Variants in GRHL2 observed in about 807,000 individuals in gnomAD.
GRHL2 encodes the protein grainyhead like transcription factor 2, also known as grainyhead-like protein 2 homolog.
A neutral mutation model predicts 83.8 loss-of-function variants in GRHL2; 21 were observed. That is an observed-to-expected ratio of 0.25 (90% CI 0.18 to 0.36). The LOEUF is 0.36. Ranked by LOEUF, GRHL2 falls within the 10% of genes least tolerant of loss-of-function variation. The pLI is 1.00. For synonymous variants in GRHL2, 280 were observed against 278.9 expected, an observed-to-expected ratio of 1.00 and a Z score of -0.04; for missense variants, 623 against 781.8, an observed-to-expected ratio of 0.80 and a Z score of 2.42.
chr8:101,504,990 A>G (rs1810308090), intron 1 of GRHL2, among the ~76,000 whole-genome samples: 1 of 151,936 alleles, frequency 6.6e-6, no homozygotes, highest in East Asian at 1.9e-4. Flanking sequence ...AAAAAAAAAA[A>G]AGAGGAGGCT....
intron 1 of GRHL2, among the ~76,000 whole-genome samples, chr8:101,514,618 G>T (rs1007780876): frequency 1.3e-5 from 2 of 152,226 alleles, no homozygotes; most frequent in Non-Finnish European, 1.5e-5. Flanking sequence ...CCTGGCTGCA[G>T]CTGGGCCCAT....
At chr8:101,505,805 C>T (rs1810329789) in intron 1 of GRHL2, among the ~76,000 whole-genome samples, 1 of 151,736 alleles carries the variant, frequency 6.6e-6, no homozygotes, top group South Asian at 2.1e-4. Context: ...TCACTTTTAA[C>T]ATCCTGAAGT....
chr8:101,498,661 C>T (rs112070388), intron 1 of GRHL2, among the ~76,000 whole-genome samples: 7 of 152,256 alleles, frequency 4.6e-5, no homozygotes, highest in African/African-American at 1.7e-4. Context: ...CTGGGCCATT[C>T]AAATGATCCC....
rs1157192008 is a variant in GRHL2, at chr8:101,632,315, G to T, written c.1435G>T (p.Val479Phe). Residue 479 changes from valine to phenylalanine, a missense_variant, in exon 11 of 16, where the codon GTT (valine) becomes TTT (phenylalanine). This residue lies in a region of GRHL2 where 210 missense variants were observed against 254.8 expected (regional missense o/e 0.82). Transcript: ENST00000646743. Reference sequence around the variant, plus strand: ...CATGCCTGATCTCCACTCACAGCCAGTTCTCTTCATACCTGATGTTCACTT... The same window carrying T: ...CATGCCTGATCTCCACTCACAGCCATTTCTCTTCATACCTGATGTTCACTT... ...KTMPDLHSQP[V>F]LFIPDVHFAN... The T allele has an allele frequency of 1.2e-6, 2 of 1,613,916 alleles. No individual in the cohort carries two copies. The highest frequency in any genetic ancestry group is 2.2e-5 in the East Asian group (1 of 44,878).
chr8:101,519,857 A>G (rs1810648227), intron 1 of GRHL2, among the ~76,000 whole-genome samples: 1 of 152,230 alleles, frequency 6.6e-6, no homozygotes, highest in Non-Finnish European at 1.5e-5. Context: ...AGAATATTTT[A>G]AAATCCATGC....
Position 101,543,427 on chromosome 8 carries a change from C to T in GRHL2, c.207C>T (p.Asp69=). ...CTGCTGCCCTCGGCCTGCTCTATGA[C>T]TACTACAAGGTAGGTCCCCAGCCTC... is the stretch of plus-strand genomic sequence containing the variant. ...DSAAALGLLY[D]YYKVPRDKRL... The change falls in exon 2 of 16, where the codon GAC becomes GAT. Residue 69 remains aspartate, a synonymous_variant. Coordinates refer to ENST00000646743, the MANE Select transcript of GRHL2 (RefSeq NM_024915.4). 6.2e-7 allele frequency: 1 copy of T among 1,613,966 alleles called. No individual in the cohort carries two copies. Among genetic ancestry groups the T allele is most frequent in the Non-Finnish European group, 8.5e-7 (1 of 1,179,870 alleles).
intron 8 of GRHL2, among the ~76,000 whole-genome samples, chr8:101,611,201 G>A (rs1404949): frequency 0.5 from 75,292 of 150,756 alleles, 21,145 homozygotes; most frequent in African/African-American, 0.71. Context: ...CTCTGAAGTC[G>A]TCCTTGCCTA....
intron 4 of GRHL2, among the ~76,000 whole-genome samples, chr8:101,565,307 A>T (rs979496169): frequency 2.6e-5 from 4 of 152,362 alleles, no homozygotes; most frequent in African/African-American, 9.6e-5. Context: ...ATCAAAAATC[A>T]TATAGATATA....
chr8:101,664,644 T>G (rs192315346), intron 15 of GRHL2, 126 bp downstream of exon 15: 2 of 713,094 alleles, frequency 2.8e-6, no homozygotes, highest in South Asian at 3.1e-5. Context: ...TGTGTCCTTC[T>G]TCCAGAGAAT....
At chr8:101,595,288 A>G (rs931751987) in intron 7 of GRHL2, among the ~76,000 whole-genome samples, 3 of 152,212 alleles carry the variant, frequency 2.0e-5, no homozygotes, top group Non-Finnish European at 4.4e-5. Context: ...TTCTTTCCTT[A>G]TTTGAGCTAA....
At position 101,599,049 on chromosome 8, in the gene GRHL2, T is replaced by C. The variant is rs1812456922; in HGVS notation, c.1004-8T>C. ...CTTTAAAAGCTTGTTCTTTTTTTAA[T>C]GTTACAGCCGATTACAAGGAGAGCT... On this transcript the variant is annotated splice_region_variant and splice_polypyrimidine_tract_variant and intron_variant, in intron 7 of 15. Transcript: ENST00000646743. 1.3e-6 allele frequency: 2 copies of C among 1,595,682 alleles called. No homozygotes were observed. The highest frequency in any genetic ancestry group is 1.7e-6 in the Non-Finnish European group (2 of 1,163,280).
intron 14 of GRHL2, among the ~76,000 whole-genome samples, chr8:101,653,825 G>A (rs908258920): frequency 4.6e-5 from 7 of 152,122 alleles, no homozygotes; most frequent in East Asian, 3.8e-4. Context: ...GTAGGCCCGG[G>A]AATCAGCACT....
intron 10 of GRHL2, 126 bp downstream of exon 10, chr8:101,631,850 C>T (rs1053591139): frequency 3.8e-6 from 3 of 792,304 alleles, no homozygotes; most frequent in Non-Finnish European, 6.6e-6. Context: ...TTTGCTTTCC[C>T]CTGGCAGTGG....
intron 8 of GRHL2, among the ~76,000 whole-genome samples, chr8:101,603,780 C>G (rs537624997): frequency 1.3e-5 from 2 of 152,184 alleles, no homozygotes; most frequent in Non-Finnish European, 2.9e-5. Flanking sequence ...AGGCTGGAAG[C>G]CTGTGTAATG....
intron 7 of GRHL2, among the ~76,000 whole-genome samples, chr8:101,583,748 G>A (rs939698852): frequency 3.9e-5 from 6 of 152,170 alleles, no homozygotes; most frequent in Admixed American, 2.0e-4. Context: ...CCAAAACCAC[G>A]TTCTCGGGAA....
At chr8:101,676,541 C>T in the GRHL2 span, among the ~76,000 whole-genome samples, 1 of 152,094 alleles carries the variant, frequency 6.6e-6, no homozygotes, top group African/African-American at 2.4e-5. Context: ...GAATGGCGAT[C>T]ATTCAAAAGT....
chr8:101,547,021 A>C (rs1284899270), intron 2 of GRHL2, among the ~76,000 whole-genome samples: 2 of 152,172 alleles, frequency 1.3e-5, no homozygotes, highest in African/African-American at 4.8e-5. Flanking sequence ...GAGCTTTGCT[A>C]TACTTTTGCT....
At chr8:101,589,635 G>A (rs1389935623) in intron 7 of GRHL2, among the ~76,000 whole-genome samples, 3 of 152,086 alleles carry the variant, frequency 2.0e-5, no homozygotes, top group African/African-American at 7.2e-5. Context: ...CAAACAGGAG[G>A]GTGAATCAAG....
chr8:101,505,776 T>A (rs150256622), intron 1 of GRHL2, among the ~76,000 whole-genome samples: 1,617 of 152,246 alleles, frequency 0.011, 8 homozygotes, highest in Middle Eastern at 0.065. Context: ...TTCACAAAAT[T>A]TGGGACACAA....
Sources: allele counts gnomAD v4.1 joint callset (sites outside exome capture counted in the v4.1 genomes callset), GRCh38; gene constraint gnomAD v4.1.1; regional missense constraint gnomAD v4.1.1; transcripts MANE v1.5; gene names NCBI Gene and HGNC (gene_info 2026-07-23, HGNC 2026-07-21).